The following KLHL13 variants were observed in gnomAD, a reference collection of about 807,000 sequenced individuals.
KLHL13 encodes kelch like family member 13, also known as kelch-like protein 13.
A neutral mutation model predicts 37.1 loss-of-function variants in KLHL13; 10 were observed. The observed-to-expected ratio is 0.27, with a 90% confidence interval of 0.17 to 0.46. The LOEUF (loss-of-function observed/expected upper bound fraction) is 0.46, where lower values mean the gene tolerates loss of function less well. Ranked by LOEUF, KLHL13 falls within the 20% of genes least tolerant of loss-of-function variation. The pLI is 1.00. For missense variants in KLHL13, 360 were observed against 509.3 expected, an observed-to-expected ratio of 0.71 and a Z score of 2.82; for synonymous variants, 163 against 181.2, an observed-to-expected ratio of 0.90 and a Z score of 0.81.
intron 1 of KLHL13, among the ~76,000 whole-genome samples, chrX:118,052,730 G>C (rs901305636): frequency 1.8e-4 from 20 of 109,516 alleles, no homozygotes; most frequent in African/African-American, 6.3e-4. Context: ...AGGAGGCTGA[G>C]GCAGAAGAAT....
intron 1 of KLHL13, among the ~76,000 whole-genome samples, chrX:117,951,325 C>A (rs1602586695): frequency 8.9e-6 from 1 of 112,055 alleles, no homozygotes; most frequent in Admixed American, 9.5e-5. Context: ...TTTATAGTAT[C>A]ATTACACAAA....
At chrX:117,922,250 G>A (rs1281455264) in intron 2 of KLHL13, among the ~76,000 whole-genome samples, 3 of 110,932 alleles carry the variant, frequency 2.7e-5, no homozygotes, top group Non-Finnish European at 5.7e-5. Context: ...GCAGTGGCGC[G>A]ATCTCGGCAT....
At chrX:117,911,994 C>T (rs1305882186) in intron 4 of KLHL13, among the ~76,000 whole-genome samples, 1 of 111,558 alleles carries the variant, frequency 9.0e-6, no homozygotes, top group Non-Finnish European at 1.9e-5. Context: ...TGTATAAATA[C>T]CCTGGATTTC....
chrX:118,076,950 C>A lies in KLHL13; in HGVS notation c.-56+39558G>T, dbSNP rs983513976. Reference sequence around the variant, plus strand: ...CTCTCCCCTTCTCTCAACCCCCACCCCTTGATAGATAATCTCCTAATGGTT... The same window carrying A: ...CTCTCCCCTTCTCTCAACCCCCACCACTTGATAGATAATCTCCTAATGGTT... On this transcript the variant is annotated intron_variant, in intron 1 of 6. Coordinates refer to the KLHL13 transcript ENST00000371882. Among the ~76,000 whole-genome samples the A allele has an allele frequency of 2.8e-5, 3 of 108,587 alleles. No homozygotes were observed. The East Asian group carries it at 8.7e-4, about 31-fold the overall frequency. 94.3% of individuals were successfully genotyped at this position (108,587 alleles called of 115,157 possible). A position where few individuals can be genotyped will look rare whatever the true frequency, so the allele number is the denominator to read the frequency against.
At position 117,985,448 on chromosome X, in the gene KLHL13, A is replaced by T. The variant is rs781759619; in HGVS notation, c.-55-39873T>A. ...AAGCAGAAACAGGCTTTATATATTTAAAAAAAAAAAAAAAAACCTATGTAC... is the reference window on the plus strand; with the variant it reads ...AAGCAGAAACAGGCTTTATATATTTTAAAAAAAAAAAAAAAACCTATGTAC... On this transcript the variant is annotated intron_variant, in intron 1 of 6. Coordinates refer to the KLHL13 transcript ENST00000371882. 9.4e-3 allele frequency: 2,450 copies of T among 261,193 alleles called. 2 individuals carry two copies. Among genetic ancestry groups the T allele is most frequent in the Non-Finnish European group, 0.011 (2,252 of 202,573 alleles). 21.5% of individuals were successfully genotyped at this position (261,193 alleles called of 1,213,427 possible). A position where few individuals can be genotyped will look rare whatever the true frequency, so the allele number is the denominator to read the frequency against.
At chrX:117,902,622 A>C (rs1449086249) in intron 5 of KLHL13, among the ~76,000 whole-genome samples, 1 of 111,751 alleles carries the variant, frequency 8.9e-6, no homozygotes, top group African/African-American at 3.3e-5. Context: ...ATCATCTTTT[A>C]ACATAATGTA....
At chrX:117,903,835 A>G (rs1930320318) in intron 5 of KLHL13, among the ~76,000 whole-genome samples, 1 of 110,999 alleles carries the variant, frequency 9.0e-6, no homozygotes, top group Non-Finnish European at 1.9e-5. Flanking sequence ...ACTTTTCTTA[A>G]TGCGGGACTC....
chrX:117,970,140 AAC>A (rs1418841057), intron 1 of KLHL13, among the ~76,000 whole-genome samples: 1 of 111,499 alleles, frequency 9.0e-6, no homozygotes, highest in Non-Finnish European at 1.9e-5. Flanking sequence ...CAATCACTAT[AAC>A]ACATTTTTAC....
intron 2 of KLHL13, among the ~76,000 whole-genome samples, chrX:117,926,255 C>T (rs1273105065): frequency 3.6e-5 from 4 of 111,301 alleles, no homozygotes; most frequent in Admixed American, 9.5e-5. Context: ...AATTTACTGC[C>T]TATGGATTTC....
At chrX:118,033,351 G>A (rs1468543086) in intron 1 of KLHL13, among the ~76,000 whole-genome samples, 6 of 111,053 alleles carry the variant, frequency 5.4e-5, no homozygotes, top group Admixed American at 9.6e-5. Flanking sequence ...AGAAAGGTCG[G>A]GTTACCCTCA....
At chrX:117,960,743 G>A (rs1333357760) in intron 1 of KLHL13, among the ~76,000 whole-genome samples, 4 of 111,693 alleles carry the variant, frequency 3.6e-5, no homozygotes, top group Non-Finnish European at 7.5e-5. Context: ...GTTTTGGGAA[G>A]GTAGAAATGT....
chrX:117,987,367 T>C (rs1037392623), intron 1 of KLHL13, among the ~76,000 whole-genome samples: 3 of 111,388 alleles, frequency 2.7e-5, no homozygotes, highest in African/African-American at 9.8e-5. Context: ...TCTCCAAGGG[T>C]GAGCTTTAAT....
chrX:118,022,811 C>T (rs1232756988), intron 1 of KLHL13, among the ~76,000 whole-genome samples: 1 of 111,700 alleles, frequency 9.0e-6, no homozygotes, highest in Non-Finnish European at 1.9e-5. Flanking sequence ...TTATTGTTTT[C>T]CTTCCCATGA....
At chrX:117,933,776 TACAGAAAC>T (rs1932595133) in intron 2 of KLHL13, among the ~76,000 whole-genome samples, 1 of 111,250 alleles carries the variant, frequency 9.0e-6, no homozygotes, top group Non-Finnish European at 1.9e-5. Context: ...ATCATAGGCA[TACAGAAAC>T]AACAACTTAG....
At chrX:118,064,152 T>C (rs2054771217) in intron 1 of KLHL13, among the ~76,000 whole-genome samples, 1 of 111,938 alleles carries the variant, frequency 8.9e-6, no homozygotes, top group South Asian at 3.7e-4. Flanking sequence ...AAACTTGTTT[T>C]ATGTAACTAT....
intron 1 of KLHL13, among the ~76,000 whole-genome samples, chrX:118,033,690 C>G (rs1433182432): frequency 1.5e-4 from 16 of 108,378 alleles, no homozygotes; most frequent in Admixed American, 8.9e-4. Context: ...AACTAACGAG[C>G]AAAATCACCA....
At chrX:117,925,259 CAAAT>C in intron 2 of KLHL13, among the ~76,000 whole-genome samples, 1 of 111,541 alleles carries the variant, frequency 9.0e-6, no homozygotes, top group Non-Finnish European at 1.9e-5. Flanking sequence ...ATTTGATAAA[CAAAT>C]AATTCAACTA....
chrX:118,065,335 T>C (rs1428318214), intron 1 of KLHL13, among the ~76,000 whole-genome samples: 1 of 111,459 alleles, frequency 9.0e-6, no homozygotes, highest in African/African-American at 3.3e-5. Flanking sequence ...ACCAGCATTT[T>C]GTGAACTTGC....
intron 1 of KLHL13, among the ~76,000 whole-genome samples, chrX:117,968,015 T>G (rs746567286): frequency 8.9e-6 from 1 of 112,107 alleles, no homozygotes; most frequent in South Asian, 3.7e-4. Context: ...TGTCTTCTAT[T>G]TGGGCCCCAT....
Sources: gnomAD v4.1 joint callset for allele counts (sites outside exome capture counted in the v4.1 genomes callset) on GRCh38, gnomAD v4.1.1 for gene constraint, MANE v1.5 for transcripts, NCBI Gene and HGNC (gene_info 2026-07-23, HGNC 2026-07-21) for gene names.